Variants in LTBP1 observed in about 807,000 individuals in gnomAD.
LTBP1 encodes latent-transforming growth factor beta-binding protein 1.
Under a neutral mutation model 207.6 loss-of-function variants are expected in LTBP1, and 129 were observed. That is an observed-to-expected ratio of 0.62 (90% CI 0.54 to 0.72). The LOEUF (loss-of-function observed/expected upper bound fraction) is 0.72, where lower values mean the gene tolerates loss of function less well. LTBP1 is among the 30% of genes least tolerant of loss of function. The pLI is 0.00. For missense variants in LTBP1, 2,281 were observed against 2,217.2 expected (o/e 1.03, Z -0.58); for synonymous variants, 963 against 833.7 (o/e 1.16, Z -2.67).
intron 7 of LTBP1, among the ~76,000 whole-genome samples, chr2:33,200,922 A>G (rs1160431466): frequency 3.9e-5 from 6 of 152,220 alleles, no homozygotes; most frequent in Non-Finnish European, 7.3e-5. Flanking sequence ...CAAAACCACA[A>G]TGAGATACCA....
At chr2:33,298,777 T>A (rs1481295503) in intron 20 of LTBP1, among the ~76,000 whole-genome samples, 1 of 152,234 alleles carries the variant, frequency 6.6e-6, no homozygotes, top group Non-Finnish European at 1.5e-5. Context: ...CAAAAGTTTT[T>A]AATCAACTAA....
At chr2:33,222,018 A>C in intron 8 of LTBP1, 62 bp from the exon 9 acceptor site, 1 of 1,206,126 alleles carries the variant, frequency 8.3e-7, no homozygotes, top group Non-Finnish European at 1.2e-6. Context: ...TTCAGATATC[A>C]CTTACACTAG....
At chr2:32,952,987 AAC>A (rs1452519795) in intron 2 of LTBP1, among the ~76,000 whole-genome samples, 3 of 152,346 alleles carry the variant, frequency 2.0e-5, no homozygotes, top group African/African-American at 4.8e-5. Flanking sequence ...ATAGAGGAGA[AAC>A]ACAGCCAGCT....
chr2:33,276,723 C>A (rs544389932), intron 18 of LTBP1, among the ~76,000 whole-genome samples: 1 of 152,112 alleles, frequency 6.6e-6, no homozygotes, highest in African/African-American at 2.4e-5. Flanking sequence ...TGGTGGCACA[C>A]GCCTGTAATC....
chr2:32,947,955 C>T (rs1181263442), intron 1 of LTBP1, 137 bp downstream of exon 1: 3 of 671,376 alleles, frequency 4.5e-6, no homozygotes, highest in Non-Finnish European at 6.3e-6. Flanking sequence ...CTCCTCCCGC[C>T]TCCGCCTGCT....
intron 24 of LTBP1, among the ~76,000 whole-genome samples, chr2:33,327,469 C>T (rs1427280108): frequency 1.3e-5 from 2 of 152,088 alleles, no homozygotes; most frequent in Non-Finnish European, 2.9e-5. Context: ...ATTCAAATAA[C>T]TCCCATGACA....
At chr2:32,953,384 G>A (rs563324142) in intron 2 of LTBP1, among the ~76,000 whole-genome samples, 1 of 152,166 alleles carries the variant, frequency 6.6e-6, no homozygotes, top group Non-Finnish European at 1.5e-5. Flanking sequence ...ATGGCCATTG[G>A]CAGCTGCTTT....
intron 21 of LTBP1, 141 bp downstream of exon 21, chr2:33,300,714 A>AT: frequency 1.2e-6 from 1 of 858,962 alleles, no homozygotes; most frequent in Non-Finnish European, 1.7e-6. Context: ...GGACTTAAAC[A>AT]TAAGTTAGGA....
intron 2 of LTBP1, among the ~76,000 whole-genome samples, chr2:32,984,016 T>C (rs1683163274): frequency 6.6e-6 from 1 of 152,256 alleles, no homozygotes; most frequent in Non-Finnish European, 1.5e-5. Context: ...TAAGGCATTT[T>C]TTCCCATTGG....
intron 3 of LTBP1, among the ~76,000 whole-genome samples, chr2:33,039,105 G>T (rs2076063136): frequency 1.3e-5 from 2 of 152,242 alleles, no homozygotes; most frequent in African/African-American, 4.8e-5. Context: ...TACTCGAAGA[G>T]TACTGATTAG....
intron 3 of LTBP1, among the ~76,000 whole-genome samples, chr2:33,042,303 T>A (rs1257430486): frequency 6.6e-6 from 1 of 152,200 alleles, no homozygotes; most frequent in East Asian, 1.9e-4. Context: ...TATAAAATGC[T>A]TCAAACAACA....
At chr2:33,355,994 T>C (rs76406942) in intron 26 of LTBP1, among the ~76,000 whole-genome samples, 4 of 152,000 alleles carry the variant, frequency 2.6e-5, no homozygotes, top group Admixed American at 6.6e-5. Context: ...TCTGAAGTTA[T>C]CCACTTTCTG....
intron 7 of LTBP1, among the ~76,000 whole-genome samples, chr2:33,205,959 A>G (rs746281827): frequency 6.6e-6 from 1 of 151,990 alleles, no homozygotes. Context: ...CCAAAAATCC[A>G]CCATGTTGGT....
In LTBP1 at chr2:33,001,075, C is replaced by T. The variant is rs527964190; in HGVS notation, c.566-19834C>T. ...CCACCTGTCCTTCCTGACACGCTGA[C>T]CTTTAGTCCCTGAGCTGCCTCATAC... On this transcript the variant is annotated intron_variant, in intron 2 of 33. Coordinates refer to ENST00000404816, the MANE Select transcript of LTBP1 (RefSeq NM_206943.4). Among the ~76,000 whole-genome samples, 147 of 134,906 alleles carry T rather than the reference C, an allele frequency of 1.1e-3. 22 individuals are homozygous for T. Among genetic ancestry groups the T allele is most frequent in the African/African-American group, 3.7e-3 (144 of 38,672 alleles). 88.5% of individuals were successfully genotyped at this position (134,906 alleles called of 152,430 possible). A position where few individuals can be genotyped will look rare whatever the true frequency, so the allele number is the denominator to read the frequency against.
In LTBP1 at chr2:33,021,865, G is replaced by A. The variant is rs141081892; in HGVS notation, c.863+659G>A. On this transcript the variant is annotated intron_variant, in intron 3 of 33. Coordinates refer to ENST00000404816, the MANE Select transcript of LTBP1 (RefSeq NM_206943.4). ...GAACTCAGAGAAGAAAGATTACCCC[G>A]TTCTCTGAGTTGCATTACAAGCAGC... 7.7e-3 allele frequency among the ~76,000 whole-genome samples: 1,173 copies of A among 152,158 alleles called. 13 individuals carry two copies. Among genetic ancestry groups the A allele is most frequent in the Non-Finnish European group, 0.013 (864 of 67,986 alleles).
chr2:33,218,982 T>C (rs2090909926), intron 8 of LTBP1, among the ~76,000 whole-genome samples: 1 of 152,248 alleles, frequency 6.6e-6, no homozygotes, highest in Non-Finnish European at 1.5e-5. Context: ...TGGGCATTAG[T>C]ATTCCATATC....
intron 22 of LTBP1, among the ~76,000 whole-genome samples, chr2:33,305,947 A>G (rs2149089142): frequency 6.6e-6 from 1 of 152,300 alleles, no homozygotes; most frequent in African/African-American, 2.4e-5. Flanking sequence ...CAACAAGCTC[A>G]GTCTTGGTAG....
chr2:33,058,179 A>G (rs2077099557), intron 3 of LTBP1, among the ~76,000 whole-genome samples: 1 of 152,254 alleles, frequency 6.6e-6, no homozygotes, highest in Non-Finnish European at 1.5e-5. Context: ...TAGACTAATA[A>G]TAGCTATGAT....
chr2:33,281,700 G>A (rs79322938), intron 19 of LTBP1, among the ~76,000 whole-genome samples: 2,211 of 152,268 alleles, frequency 0.015, 22 homozygotes, highest in East Asian at 0.025. Flanking sequence ...AGTCTCTGCT[G>A]ATGGAGTTGT....
Sources: allele counts gnomAD v4.1 joint callset (sites outside exome capture counted in the v4.1 genomes callset), GRCh38; gene constraint gnomAD v4.1.1; transcripts MANE v1.5; gene names NCBI Gene and HGNC (gene_info 2026-07-23, HGNC 2026-07-21).